ATG7: variants seen among roughly 807,000 people sequenced by gnomAD.
The protein encoded by ATG7 is ubiquitin-like modifier-activating enzyme ATG7.
In ATG7, 70 loss-of-function variants were observed where a neutral mutation model predicts 82.4. That is an observed-to-expected ratio of 0.85 (90% confidence interval 0.70 to 1.04). ATG7 has a LOEUF of 1.04. ATG7 is among the 50% of genes least tolerant of loss of function. The pLI, the probability that ATG7 is intolerant of heterozygous loss-of-function variation, is 0.00. For synonymous variants in ATG7, 287 were observed against 313.0 expected, an observed-to-expected ratio of 0.92 and a Z score of 0.88; for missense variants, 792 against 864.3, an observed-to-expected ratio of 0.92 and a Z score of 1.05.
chr3:11,482,617 T>C (rs896119133), intron 20 of ATG7, among the ~76,000 whole-genome samples: 1 of 152,084 alleles, frequency 6.6e-6, no homozygotes, highest in Non-Finnish European at 1.5e-5. Flanking sequence ...TAGAGTACTT[T>C]GATAGGTGGT....
At chr3:11,357,503 C>G (rs902249114) in intron 14 of ATG7, among the ~76,000 whole-genome samples, 6 of 152,100 alleles carry the variant, frequency 3.9e-5, no homozygotes, top group African/African-American at 1.2e-4. Flanking sequence ...TTTTTTGGCT[C>G]TAAGTTAGCA....
intron 12 of ATG7, among the ~76,000 whole-genome samples, chr3:11,341,588 C>T (rs922476758): frequency 6.6e-6 from 1 of 152,064 alleles, no homozygotes; most frequent in African/African-American, 2.4e-5. Flanking sequence ...GCTGGGATTA[C>T]AGGCGCCTGC....
intron 5 of ATG7, among the ~76,000 whole-genome samples, chr3:11,303,791 T>A (rs1388986332): frequency 4.0e-5 from 6 of 151,496 alleles, no homozygotes; most frequent in Non-Finnish European, 8.8e-5. Context: ...AATTTTCTTT[T>A]CGGCCGGGCG....
chr3:11,281,499 G>A (rs536624218), intron 2 of ATG7, among the ~76,000 whole-genome samples: 48 of 152,322 alleles, frequency 3.2e-4, no homozygotes, highest in African/African-American at 8.4e-4. Flanking sequence ...CAGGCCGGGT[G>A]TGGTGGCTCA....
chr3:11,309,527 C>A (rs1277789700), intron 7 of ATG7, among the ~76,000 whole-genome samples: 1 of 151,470 alleles, frequency 6.6e-6, no homozygotes. Flanking sequence ...ACGTTAAGGG[C>A]AGCCTTGAAA....
intron 20 of ATG7, among the ~76,000 whole-genome samples, chr3:11,486,256 C>T (rs1318571670): frequency 6.6e-6 from 1 of 152,198 alleles, no homozygotes; most frequent in Non-Finnish European, 1.5e-5. Context: ...AGGTCCTTCA[C>T]TTCCCTTGTA....
chr3:11,386,398 A>G lies in ATG7; in HGVS notation c.1956+6346A>G, dbSNP rs193168632. On this transcript the variant is annotated intron_variant, in intron 19 of 20. Transcript: ENST00000693202. Reference sequence around the variant, plus strand: ...CTTGACTTAAAATATATATGTATGTATATAGGTATACATAGACATCATTTT... The same window carrying G: ...CTTGACTTAAAATATATATGTATGTGTATAGGTATACATAGACATCATTTT... 1.4e-4 allele frequency among the ~76,000 whole-genome samples: 22 copies of G among 152,370 alleles called. No homozygotes were observed. The East Asian group carries it at 4.0e-3, about 28-fold the overall frequency.
intron 20 of ATG7, among the ~76,000 whole-genome samples, chr3:11,525,339 T>C (rs1387411299): frequency 3.3e-5 from 5 of 151,036 alleles, no homozygotes; most frequent in Non-Finnish European, 7.4e-5. Flanking sequence ...CCAGTGAAAG[T>C]AGAAATTATT....
chr3:11,377,519 C>T (rs2077515494), intron 18 of ATG7, among the ~76,000 whole-genome samples: 1 of 152,166 alleles, frequency 6.6e-6, no homozygotes, highest in African/African-American at 2.4e-5. Flanking sequence ...CCCTGTCCCT[C>T]AGCTTTACCT....
At chr3:11,492,184 A>G (rs2090426822) in intron 20 of ATG7, among the ~76,000 whole-genome samples, 2 of 152,158 alleles carry the variant, frequency 1.3e-5, no homozygotes, top group Admixed American at 6.5e-5. Context: ...TTTAAAGCCC[A>G]TCGGAAAGGC....
intron 16 of ATG7, 108 bp downstream of exon 16, chr3:11,360,892 C>A: frequency 8.0e-7 from 1 of 1,244,738 alleles, no homozygotes; most frequent in Non-Finnish European, 1.1e-6. Context: ...TATCTTTTAA[C>A]AAAGAGAAGA....
At chr3:11,382,304 C>T (rs2077966923) in intron 19 of ATG7, among the ~76,000 whole-genome samples, 1 of 152,056 alleles carries the variant, frequency 6.6e-6, no homozygotes, top group African/African-American at 2.4e-5. Context: ...AGAGTGCGAG[C>T]ACGCACGCAC....
intron 20 of ATG7, among the ~76,000 whole-genome samples, chr3:11,439,276 C>T (rs2083660536): frequency 6.6e-6 from 1 of 151,824 alleles, no homozygotes; most frequent in Non-Finnish European, 1.5e-5. Flanking sequence ...GCCATGTTGG[C>T]CAGGCTGGTC....
At chr3:11,402,485 CT>C (rs900169870) in intron 19 of ATG7, among the ~76,000 whole-genome samples, 1 of 152,074 alleles carries the variant, frequency 6.6e-6, no homozygotes, top group Non-Finnish European at 1.5e-5. Flanking sequence ...TGATAAGACC[CT>C]GAAAAACCAG....
chr3:11,449,028 G>A (rs2084850223), intron 20 of ATG7, among the ~76,000 whole-genome samples: 1 of 152,216 alleles, frequency 6.6e-6, no homozygotes, highest in South Asian at 2.1e-4. Flanking sequence ...GATGAACAAA[G>A]CACATCATCC....
At chr3:11,474,944 G>C (rs1322725862) in intron 20 of ATG7, among the ~76,000 whole-genome samples, 1 of 152,186 alleles carries the variant, frequency 6.6e-6, no homozygotes, top group Non-Finnish European at 1.5e-5. Context: ...GTTGGCAATA[G>C]AGGGAGCACG....
intron 5 of ATG7, among the ~76,000 whole-genome samples, chr3:11,301,195 A>G (rs1021911595): frequency 6.6e-6 from 1 of 152,202 alleles, no homozygotes; most frequent in Admixed American, 6.5e-5. Context: ...TGCGAGGGCC[A>G]CTGTGTTTGT....
chr3:11,515,170 T>G (rs1338764916), intron 20 of ATG7, among the ~76,000 whole-genome samples: 1 of 152,098 alleles, frequency 6.6e-6, no homozygotes, highest in East Asian at 1.9e-4. Flanking sequence ...CCTGAGAAGA[T>G]CTGATAGAAG....
intron 20 of ATG7, among the ~76,000 whole-genome samples, chr3:11,486,341 C>G (rs1407649624): frequency 6.6e-6 from 1 of 152,070 alleles, no homozygotes; most frequent in South Asian, 2.1e-4. Context: ...GGCTGTTTGT[C>G]TGTTATTGCT....
Sources: gnomAD v4.1 joint callset for allele counts (sites outside exome capture counted in the v4.1 genomes callset) on GRCh38, gnomAD v4.1.1 for gene constraint, MANE v1.5 for transcripts, NCBI Gene and HGNC (gene_info 2026-07-23, HGNC 2026-07-21) for gene names.